Variants in EPHB1 observed in about 807,000 individuals in gnomAD.
EPHB1 encodes the protein ephrin type-B receptor 1.
Under a neutral mutation model 94.4 loss-of-function variants are expected in EPHB1, and 30 were observed. That is an observed-to-expected ratio of 0.32 (90% CI 0.24 to 0.43). The LOEUF is 0.43. Ranked by LOEUF, EPHB1 falls within the 20% of genes least tolerant of loss-of-function variation. The pLI is 1.00. For synonymous variants in EPHB1, 522 were observed against 489.1 expected (o/e 1.07, Z -0.89); for missense variants, 1,055 against 1,308.3 (o/e 0.81, Z 2.99).
intron 1 of EPHB1, among the ~76,000 whole-genome samples, chr3:134,898,589 C>T (rs1379906641): frequency 2.0e-5 from 3 of 152,186 alleles, no homozygotes; most frequent in East Asian, 3.9e-4. Context: ...TACAGGGCTT[C>T]GGCACAATCT....
chr3:135,253,512 C>CAGAT (rs1236771316), intron 15 of EPHB1, among the ~76,000 whole-genome samples: 1 of 151,866 alleles, frequency 6.6e-6, no homozygotes, highest in East Asian at 1.9e-4. Context: ...TGTGAAAGAT[C>CAGAT]AGATAGTCGT....
chr3:135,211,852 C>T (rs1943041529), intron 12 of EPHB1, among the ~76,000 whole-genome samples: 1 of 152,146 alleles, frequency 6.6e-6, no homozygotes, highest in South Asian at 2.1e-4. Context: ...GTTCCCTATG[C>T]TTTATAAGAT....
intron 3 of EPHB1, among the ~76,000 whole-genome samples, chr3:134,998,863 T>G (rs182197408): frequency 6.6e-6 from 1 of 151,758 alleles, no homozygotes; most frequent in African/African-American, 2.4e-5. Context: ...GGAGAGAAAG[T>G]AGAGAGAGAA....
chr3:134,823,078 A>G (rs145038271), intron 1 of EPHB1, among the ~76,000 whole-genome samples: 4 of 152,334 alleles, frequency 2.6e-5, no homozygotes, highest in East Asian at 1.9e-4. Context: ...TTCCCTGCAC[A>G]TTCCAAGAGC....
Position 134,943,689 on chromosome 3 carries a change from G to A in EPHB1, c.124-7682G>A, listed in dbSNP as rs116463526. Among the ~76,000 whole-genome samples the A allele has an allele frequency of 5.1e-3, 774 of 152,230 alleles. 6 individuals carry two copies. Among genetic ancestry groups the A allele is most frequent in the African/African-American group, 0.018 (744 of 41,536 alleles). ...TATCAGTGATAGGGATGCTTCCTTG[G>A]CCTCCTAGCCCCTCTAGATGCCACC... On this transcript the variant is annotated intron_variant, in intron 2 of 15. Coordinates refer to ENST00000398015, the MANE Select transcript of EPHB1 (RefSeq NM_004441.5).
intron 1 of EPHB1, among the ~76,000 whole-genome samples, chr3:134,917,078 G>A (rs1179344910): frequency 6.6e-6 from 1 of 152,182 alleles, no homozygotes; most frequent in African/African-American, 2.4e-5. Context: ...CATAGTACAA[G>A]CATACACACT....
At chr3:134,852,165 A>G (rs1337632719) in intron 1 of EPHB1, among the ~76,000 whole-genome samples, 1 of 152,038 alleles carries the variant, frequency 6.6e-6, no homozygotes, top group Non-Finnish European at 1.5e-5. Context: ...TTCCATCCAC[A>G]TGTCCCCACC....
intron 1 of EPHB1, among the ~76,000 whole-genome samples, chr3:134,925,380 G>A (rs1380857525): frequency 6.6e-6 from 1 of 152,230 alleles, no homozygotes; most frequent in African/African-American, 2.4e-5. Context: ...GCATAATGGG[G>A]AGGAAGAAGG....
At chr3:134,926,014 C>G (rs1042526749) in intron 2 of EPHB1, 134 bp downstream of exon 2, 4 of 718,072 alleles carry the variant, frequency 5.6e-6, no homozygotes, top group Non-Finnish European at 6.6e-6. Flanking sequence ...TGTCCACTGC[C>G]CATCCATGCA....
At chr3:135,152,357 C>T (rs1256748539) in intron 5 of EPHB1, among the ~76,000 whole-genome samples, 5 of 152,164 alleles carry the variant, frequency 3.3e-5, no homozygotes, top group African/African-American at 1.2e-4. Flanking sequence ...ACAGCAGCTC[C>T]TGGAGGCAAG....
rs957548045 is a variant in EPHB1 at position 134,905,255 on chromosome 3, G to A, written c.59-20561G>A. 2.6e-5 allele frequency among the ~76,000 whole-genome samples: 4 copies of A among 152,210 alleles called. No individual in the cohort carries two copies. The East Asian group carries it at 5.8e-4, about 22-fold the overall frequency. On this transcript the variant is annotated intron_variant, in intron 1 of 15. Coordinates refer to ENST00000398015, the MANE Select transcript of EPHB1 (RefSeq NM_004441.5). ...ACTTTCCTCTTTGGAGCTATCCAAA[G>A]TGCTGGCTGAGGGGGCCCCAGGAGC...
chr3:134,916,843 C>T (rs58221495), intron 1 of EPHB1, among the ~76,000 whole-genome samples: 5,052 of 152,282 alleles, frequency 0.033, 280 homozygotes, highest in African/African-American at 0.11. Context: ...TCCTCAAGCG[C>T]GGCCAGAATG....
At position 135,034,394 on chromosome 3, in the gene EPHB1, T is replaced by C. The variant is rs1936581250; in HGVS notation, c.806-72054T>C. Among the ~76,000 whole-genome samples, 3 of 152,232 alleles carry C rather than the reference T, an allele frequency of 2.0e-5. No homozygotes were observed. The South Asian group carries it at 6.2e-4, about 32-fold the overall frequency. ...ACTTCAAAGTACAGCTGGGTCTGCC[T>C]TGGAGGATCTCACAGGGAAAGGTCC... On this transcript the variant is annotated intron_variant, in intron 3 of 15. Transcript: ENST00000398015.
chr3:135,021,513 C>A (rs1442632879), intron 3 of EPHB1, among the ~76,000 whole-genome samples: 2 of 151,690 alleles, frequency 1.3e-5, no homozygotes, highest in Non-Finnish European at 2.9e-5. Context: ...CCCCACCCCC[C>A]ACCGGTTTAC....
At chr3:134,981,950 G>A (rs1220127013) in intron 3 of EPHB1, among the ~76,000 whole-genome samples, 1 of 152,192 alleles carries the variant, frequency 6.6e-6, no homozygotes, top group Non-Finnish European at 1.5e-5. Context: ...CAATAAGCCA[G>A]ATAATTTTCT....
chr3:134,948,602 T>C (rs2039260816), intron 2 of EPHB1, among the ~76,000 whole-genome samples: 1 of 152,238 alleles, frequency 6.6e-6, no homozygotes, highest in Non-Finnish European at 1.5e-5. Flanking sequence ...CAGGTGAGGC[T>C]CGACAGTGTG....
intron 1 of EPHB1, among the ~76,000 whole-genome samples, chr3:134,920,711 A>G (rs1171589727): frequency 6.6e-6 from 1 of 152,162 alleles, no homozygotes; most frequent in African/African-American, 2.4e-5. Flanking sequence ...AAATGTCAGT[A>G]TATCCAAAGG....
At chr3:135,089,737 G>A (rs1938491729) in intron 3 of EPHB1, among the ~76,000 whole-genome samples, 1 of 152,176 alleles carries the variant, frequency 6.6e-6, no homozygotes, top group Admixed American at 6.5e-5. Context: ...TCAGCTCTGG[G>A]TTCGTGTCCT....
chr3:134,922,362 A>G (rs946591247), intron 1 of EPHB1, among the ~76,000 whole-genome samples: 1 of 152,184 alleles, frequency 6.6e-6, no homozygotes, highest in Non-Finnish European at 1.5e-5. Context: ...GCCCTTCATC[A>G]TATGGAGTGG....
Sources: allele counts gnomAD v4.1 joint callset (sites outside exome capture counted in the v4.1 genomes callset), GRCh38; gene constraint gnomAD v4.1.1; transcripts MANE v1.5; gene names NCBI Gene and HGNC (gene_info 2026-07-23, HGNC 2026-07-21).